Variants in DPP10 observed in about 807,000 individuals in gnomAD.
DPP10 encodes inactive dipeptidyl peptidase 10.
In DPP10, 33 loss-of-function variants were observed where a neutral mutation model predicts 120.9. The observed-to-expected ratio is 0.27, with a 90% CI of 0.21 to 0.37. The LOEUF (loss-of-function observed/expected upper bound fraction) is 0.37, where lower values mean the gene tolerates loss of function less well. DPP10 is among the 10% of genes least tolerant of loss of function. The probability of loss-of-function intolerance (pLI) is 1.00; values close to 1 mark genes in which losing one functional copy is unlikely to be tolerated. For synonymous variants in DPP10, 337 were observed against 326.1 expected (o/e 1.03, Z -0.36); for missense variants, 816 against 942.8 (o/e 0.87, Z 1.76).
At chr2:115,640,418 A>G (rs2086684535) in intron 5 of DPP10, among the ~76,000 whole-genome samples, 1 of 148,210 alleles carries the variant, frequency 6.7e-6, no homozygotes, top group African/African-American at 2.5e-5. Context: ...TGTCTTCATC[A>G]TACCAAGTAT....
intron 1 of DPP10, among the ~76,000 whole-genome samples, chr2:115,274,810 G>T (rs1454249607): frequency 1.3e-5 from 2 of 152,210 alleles, no homozygotes; most frequent in Non-Finnish European, 2.9e-5. Context: ...ATAATTGGCT[G>T]CTAATTAACA....
intron 4 of DPP10, among the ~76,000 whole-genome samples, chr2:115,523,346 G>A (rs1214531745): frequency 6.9e-6 from 1 of 144,982 alleles, no homozygotes; most frequent in African/African-American, 2.6e-5. Flanking sequence ...TGAGGATGAG[G>A]GAGGTGAGAT....
rs199567717 is a variant in DPP10, at chr2:115,029,456, GT to G, written c.61-279772del. On this transcript the variant is annotated intron_variant, in intron 1 of 25. Coordinates refer to ENST00000410059, the MANE Select transcript of DPP10 (RefSeq NM_020868.6). ...TTTTTATTTCTTTTTGCACATTAGC[GT>G]TTTTTTTTTTCTTTCAGTCTGAAGA... Among the ~76,000 whole-genome samples the G allele has an allele frequency of 2.5e-3, 354 of 143,316 alleles. 1 individual carries two copies. The highest frequency in any genetic ancestry group is 3.5e-3 in the South Asian group (16 of 4,586). 94.0% of individuals were successfully genotyped at this position (143,316 alleles called of 152,430 possible).
intron 1 of DPP10, among the ~76,000 whole-genome samples, chr2:115,082,323 A>G (rs984905170): frequency 6.6e-6 from 1 of 152,164 alleles, no homozygotes; most frequent in African/African-American, 2.4e-5. Flanking sequence ...GAAGGTAGCC[A>G]GGCTTCGTGC....
chr2:115,789,103 A>C (rs1205304655), intron 17 of DPP10, among the ~76,000 whole-genome samples: 1 of 152,028 alleles, frequency 6.6e-6, no homozygotes, highest in African/African-American at 2.4e-5. Flanking sequence ...GGGCAAAAGA[A>C]TGAGACTCCG....
intron 1 of DPP10, among the ~76,000 whole-genome samples, chr2:114,611,174 C>T (rs1430237350): frequency 6.6e-6 from 1 of 152,048 alleles, no homozygotes; most frequent in African/African-American, 2.4e-5. Context: ...AAATGGGAAT[C>T]GGAGTGCCCC....
chr2:115,097,155 A>T (rs749454501), intron 1 of DPP10, among the ~76,000 whole-genome samples: 1 of 147,156 alleles, frequency 6.8e-6, no homozygotes, highest in African/African-American at 2.6e-5. Flanking sequence ...ATCAAGACCC[A>T]AGATATTGTA....
chr2:115,012,291 G>A (rs1179532640), intron 1 of DPP10, among the ~76,000 whole-genome samples: 2 of 152,102 alleles, frequency 1.3e-5, no homozygotes, highest in African/African-American at 2.4e-5. Flanking sequence ...TGAACCAGGT[G>A]TCCCTAGGGC....
At chr2:115,477,360 C>G (rs2105234407) in intron 3 of DPP10, among the ~76,000 whole-genome samples, 1 of 152,146 alleles carries the variant, frequency 6.6e-6, no homozygotes, top group African/African-American at 2.4e-5. Flanking sequence ...TTTTGATACA[C>G]TAACAAACAA....
chr2:115,747,058 G>A (rs1220223216), intron 10 of DPP10, among the ~76,000 whole-genome samples: 1 of 152,124 alleles, frequency 6.6e-6, no homozygotes, highest in Non-Finnish European at 1.5e-5. Context: ...GCAGCCTGAT[G>A]TGTGTGGAAA....
intron 1 of DPP10, among the ~76,000 whole-genome samples, chr2:115,182,105 ATATATT>A (rs958609275): frequency 6.6e-6 from 1 of 152,218 alleles, no homozygotes; most frequent in Non-Finnish European, 1.5e-5. Flanking sequence ...TAGTTATAAA[ATATATT>A]TATTTGAGAA....
At chr2:115,432,541 T>C (rs1370073417) in intron 3 of DPP10, among the ~76,000 whole-genome samples, 1 of 152,016 alleles carries the variant, frequency 6.6e-6, no homozygotes, top group Non-Finnish European at 1.5e-5. Flanking sequence ...TTTCCTTCTG[T>C]TATACTATAG....
chr2:115,773,192 G>A (rs1026183614), intron 13 of DPP10, among the ~76,000 whole-genome samples: 1 of 152,060 alleles, frequency 6.6e-6, no homozygotes, highest in Admixed American at 6.6e-5. Flanking sequence ...CTATTTTTAA[G>A]CACTACAATA....
intron 1 of DPP10, among the ~76,000 whole-genome samples, chr2:114,457,335 G>A (rs1023353957): frequency 1.3e-5 from 2 of 152,208 alleles, no homozygotes; most frequent in South Asian, 4.1e-4. Flanking sequence ...GCCTCTACCA[G>A]TCAGTAGCCC....
At chr2:114,806,824 AT>A (rs914500003) in intron 1 of DPP10, among the ~76,000 whole-genome samples, 2 of 151,774 alleles carry the variant, frequency 1.3e-5, no homozygotes, top group African/African-American at 4.8e-5. Flanking sequence ...TTGATTCTCC[AT>A]TTTTTTTGTT....
At chr2:115,683,941 G>T (rs1443982820) in intron 5 of DPP10, among the ~76,000 whole-genome samples, 2 of 151,270 alleles carry the variant, frequency 1.3e-5, no homozygotes, top group African/African-American at 2.4e-5. Context: ...AACTTATTTC[G>T]GTATAAATAA....
Position 115,777,264 on chromosome 2 carries a change from A to G in DPP10, c.1278A>G (p.Ile426Met), listed in dbSNP as rs61732820. 1.9e-5 allele frequency: 31 copies of G among 1,613,084 alleles called. No individual in the cohort carries two copies. In the African/African-American group the frequency reaches 2.7e-4, roughly 14 times the overall value. ...TGACATCAGGAAACTGGGAAGTGAT[A>G]AAGATCTTGGCATACGATGAAACTA... The part of the protein sequence containing the change: ...RHLTSGNWEV[I>M]KILAYDETTQ... The change falls in exon 14 of 26, where the codon ATA (isoleucine) becomes ATG (methionine). Residue 426 changes from isoleucine to methionine, a missense_variant. Transcript: ENST00000410059.
chr2:114,571,183 G>A (rs1689615471), intron 1 of DPP10, among the ~76,000 whole-genome samples: 1 of 152,158 alleles, frequency 6.6e-6, no homozygotes, highest in African/African-American at 2.4e-5. Flanking sequence ...CGTACTGGGA[G>A]GTGATGGGAT....
chr2:115,103,090 CTT>C (rs2048772752), intron 1 of DPP10, among the ~76,000 whole-genome samples: 2 of 151,518 alleles, frequency 1.3e-5, no homozygotes, highest in African/African-American at 4.8e-5. Flanking sequence ...ACAGAAATAA[CTT>C]AATACATAAA....
Sources: allele counts gnomAD v4.1 joint callset (sites outside exome capture counted in the v4.1 genomes callset), GRCh38; gene constraint gnomAD v4.1.1; transcripts MANE v1.5; gene names NCBI Gene and HGNC (gene_info 2026-07-23, HGNC 2026-07-21).